Variants in SV2A observed in about 807,000 individuals in gnomAD.
SV2A encodes synaptic vesicle glycoprotein 2A.
Under a neutral mutation model 78.0 loss-of-function variants are expected in SV2A, and 25 were observed. The ratio of observed to expected loss-of-function variants is 0.32; its 90% CI spans 0.23 to 0.45. The LOEUF (loss-of-function observed/expected upper bound fraction) is 0.45. SV2A is among the 20% of genes least tolerant of loss of function. SV2A has a pLI of 1.00. For synonymous variants in SV2A, 355 were observed against 384.7 expected, an observed-to-expected ratio of 0.92 and a Z score of 0.90; for missense variants, 752 against 971.5, an observed-to-expected ratio of 0.77 and a Z score of 3.00.
intron 1 of SV2A, among the ~76,000 whole-genome samples, chr1:149,914,804 A>C (rs2092502373): frequency 6.6e-6 from 1 of 152,206 alleles, no homozygotes; most frequent in African/African-American, 2.4e-5. Flanking sequence ...CTTCTTGTTT[A>C]AAAAGGGGAA....
At chr1:149,914,573 GA>G (rs782366372) in intron 1 of SV2A, among the ~76,000 whole-genome samples, 2 of 152,224 alleles carry the variant, frequency 1.3e-5, no homozygotes, top group Non-Finnish European at 2.9e-5. Flanking sequence ...GGATGTGTAA[GA>G]GGACAAGCCC....
intron 10 of SV2A, chr1:149,907,057 C>A: frequency 1.1e-6 from 1 of 896,902 alleles, no homozygotes; most frequent in East Asian, 1.2e-4. Flanking sequence ...CATCATCTGT[C>A]CAACAGTGTG....
intron 8 of SV2A, among the ~76,000 whole-genome samples, chr1:149,908,720 C>T (rs1296841193): frequency 1.3e-5 from 2 of 152,206 alleles, no homozygotes; most frequent in Admixed American, 1.3e-4. Flanking sequence ...TCACTGCAAC[C>T]TCTGCCTCCC....
At chr1:149,909,153 A>G in intron 8 of SV2A, 39 bp downstream of exon 8, 1 of 1,595,726 alleles carries the variant, frequency 6.3e-7, no homozygotes, top group Non-Finnish European at 8.6e-7. Flanking sequence ...ACACACCACC[A>G]CAACCACCAC....
Position 149,910,701 on chromosome 1 carries a change from A to T in SV2A, c.958T>A (p.Trp320Arg). 6.2e-7 allele frequency: 1 copy of T among 1,613,800 alleles called. No individual in the cohort carries two copies. The highest frequency in any genetic ancestry group is 8.5e-7 in the Non-Finnish European group (1 of 1,179,848). Residue 320 changes from tryptophan (W) to arginine (R), a missense_variant and splice_region_variant, in exon 5 of 13, where the codon TGG (tryptophan) becomes AGG (arginine). Trp to Arg is a moderately radical substitution (Grantham distance 101, BLOSUM62 -3). This residue lies in a region of SV2A where 43 missense variants were observed against 70.8 expected (regional missense o/e 0.61). Transcript: ENST00000369146. This position sits in a 1 kb window ranked among gnomAD's most constrained non-coding sequence, Gnocchi z 4.2. ...TAGGCAGAACCCATCTGAAAACTCCACCCTGGTAGGGAGAAAGTGACAGCA... is the reference window on the plus strand; with the variant it reads ...TAGGCAGAACCCATCTGAAAACTCCTCCCTGGTAGGGAGAAAGTGACAGCA... ...MAWAIIPHYG[W>R]SFQMGSAYQF...
rs782581361 is a variant in SV2A at position 149,909,852 on chromosome 1, C to A, written c.1128G>T (p.Gln376His). The change falls in exon 6 of 13, where the codon CAG becomes CAT. Residue 376 changes from glutamine to histidine, a missense_variant. Physicochemically the swap from Gln to His is conservative, Grantham distance 24. Around this residue, in one of 7 missense-constraint regions of SV2A, gnomAD observed 136 missense variants for 132.3 expected, o/e 1.03. Coordinates refer to ENST00000369146, the MANE Select transcript of SV2A (RefSeq NM_014849.5). ...TGGCTCGCATGTTGGTATCATGGAC[C>A]TGCTTCAGCACCATCCAGGCCTCAT... ...KHDEAWMVLK[Q>H]VHDTNMRAKG... 1 of 1,614,098 alleles carries A rather than the reference C, an allele frequency of 6.2e-7. No individual in the cohort carries two copies. Among genetic ancestry groups the A allele is most frequent in the Admixed American group, 1.7e-5 (1 of 59,998 alleles).
At chr1:149,909,084 G>T in intron 8 of SV2A, 108 bp downstream of exon 8, 2 of 1,081,998 alleles carry the variant, frequency 1.8e-6, no homozygotes, top group Non-Finnish European at 2.8e-6. Flanking sequence ...GGTCTGCATG[G>T]CACCTTCCCT....
Position 149,910,888 on chromosome 1 carries a change from A to C in SV2A, c.893T>G (p.Met298Arg). 6.2e-7 allele frequency: 1 copy of C among 1,614,262 alleles called. No homozygotes were observed. Among genetic ancestry groups the C allele is most frequent in the Non-Finnish European group, 8.5e-7 (1 of 1,180,042 alleles). ...GTACACGCCACCAATCATCCAAAAC[A>C]TGCAGAGCCAGCTCAAATGCTCCCC... ...KRGEHLSWLC[M>R]FWMIGGVYAA... The change falls in exon 4 of 13, where the codon ATG becomes AGG. Residue 298 changes from methionine to arginine, a missense_variant. Transcript: ENST00000369146. The surrounding 1 kb of genome is among the most constrained non-coding windows in gnomAD (Gnocchi z 4.2).
intron 9 of SV2A, 93 bp downstream of exon 9, chr1:149,907,949 C>T (rs781974725): frequency 3.2e-6 from 5 of 1,567,960 alleles, no homozygotes; most frequent in African/African-American, 2.7e-5. Context: ...CAAGTGTTTG[C>T]CCCCCAAATG....
chr1:149,906,583 G>C, intron 11 of SV2A, 67 bp downstream of exon 11: 2 of 1,536,554 alleles, frequency 1.3e-6, no homozygotes, highest in Non-Finnish European at 1.8e-6. Flanking sequence ...AAGGTGAGAA[G>C]CCTGTTGACT....
chr1:149,904,997 A>G lies in SV2A; in HGVS notation c.*17T>C, dbSNP rs782197475. The G allele has an allele frequency of 2.5e-6, 4 of 1,598,298 alleles. No individual in the cohort carries two copies. Among genetic ancestry groups the G allele is most frequent in the African/African-American group, 2.7e-5 (2 of 74,672 alleles). On this transcript the variant is annotated 3_prime_UTR_variant, in exon 13 of 13. Transcript: ENST00000369146. ...TCTCACAGTGTGCCTGCCAATCCCA[A>G]AGCCCTAGAGACCCCTTCACTGCAG...
At chr1:149,917,530 C>A (rs2092523206) in intron 1 of SV2A, among the ~76,000 whole-genome samples, 1 of 150,822 alleles carries the variant, frequency 6.6e-6, no homozygotes. Flanking sequence ...TATACATATG[C>A]GTGTGTGTGT....
chr1:149,908,238 C>A (rs2092451877), intron 8 of SV2A, 32 bp from the exon 9 acceptor site: 1 of 1,597,894 alleles, frequency 6.3e-7, no homozygotes, highest in Admixed American at 1.7e-5. Flanking sequence ...AAACAGACAA[C>A]AGGGCTTCAG....
Position 149,907,791 on chromosome 1 carries a change from G to A in SV2A, c.1587C>T (p.Ser529=). The change falls in exon 10 of 13, where the codon TCC becomes TCT. Residue 529 remains serine (S), a synonymous_variant. Transcript: ENST00000369146. ...CCTCAAAATAACACTCTTCAAACAG[G>A]GAATCCTCAAAGGACACTGACTTGA... is the stretch of plus-strand genomic sequence containing the variant. The part of the protein sequence containing the change: ...LRLKSVSFED[S]LFEECYFEDV... 1 of 1,614,064 alleles carries A rather than the reference G, an allele frequency of 6.2e-7. No homozygotes were observed. Among genetic ancestry groups the A allele is most frequent in the Non-Finnish European group, 8.5e-7 (1 of 1,180,010 alleles).
chr1:149,916,150 C>G (rs1020718350), intron 1 of SV2A, among the ~76,000 whole-genome samples: 3 of 152,318 alleles, frequency 2.0e-5, no homozygotes, highest in South Asian at 4.1e-4. Context: ...GCTTTCCTCT[C>G]TTTCCTAACC....
chr1:149,916,565 A>G (rs1483408858), intron 1 of SV2A, among the ~76,000 whole-genome samples: 2 of 152,094 alleles, frequency 1.3e-5, no homozygotes, highest in African/African-American at 4.8e-5. Context: ...CAGGCAGGGG[A>G]CTCCAGAGCA....
intron 2 of SV2A, 129 bp downstream of exon 2, chr1:149,913,090 C>G: frequency 8.1e-7 from 1 of 1,237,366 alleles, no homozygotes; most frequent in Non-Finnish European, 1.1e-6. Context: ...GCAGAGGAAC[C>G]CTGAGCCCTC....
At chr1:149,909,703 G>T in intron 6 of SV2A, 98 bp downstream of exon 6, 1 of 1,464,694 alleles carries the variant, frequency 6.8e-7, no homozygotes, top group Non-Finnish European at 9.6e-7. Context: ...TCTCCTTACG[G>T]TAGAGTGTGG....
Position 149,908,096 on chromosome 1 carries a change from A to G in SV2A, c.1490T>C (p.Phe497Ser). 6.2e-7 allele frequency: 1 copy of G among 1,614,192 alleles called. No individual in the cohort carries two copies. Among genetic ancestry groups the G allele is most frequent in the Non-Finnish European group, 8.5e-7 (1 of 1,180,028 alleles). ...FPGERVEHVT[F>S]NFTLENQIHR... is the part of the protein sequence containing the mutation. ...GATCTGATTCTCCAACGTGAAGTTA[A>G]AAGTTACATGCTCTACGCGCTCCCC... is the stretch of plus-strand genomic sequence containing the variant. Residue 497 changes from phenylalanine (F) to serine (S), a missense_variant, in exon 9 of 13, where the codon TTT (phenylalanine) becomes TCT (serine). By Grantham distance (155) the Phe-to-Ser change is radical (BLOSUM62 -2). Transcript: ENST00000369146.
Sources: allele counts gnomAD v4.1 joint callset (sites outside exome capture counted in the v4.1 genomes callset), GRCh38; gene constraint gnomAD v4.1.1; regional missense constraint gnomAD v4.1.1; non-coding constraint Gnocchi (gnomAD v3.1); transcripts MANE v1.5; gene names NCBI Gene and HGNC (gene_info 2026-07-23, HGNC 2026-07-21).